KANK4: variants seen among roughly 807,000 people sequenced by gnomAD.
The protein encoded by KANK4 is KN motif and ankyrin repeat domains 4.
Under a neutral mutation model 80.8 loss-of-function variants are expected in KANK4, and 50 were observed. The ratio of observed to expected loss-of-function variants is 0.62; its 90% CI spans 0.49 to 0.78. The LOEUF (loss-of-function observed/expected upper bound fraction) is 0.78, where lower values mean the gene tolerates loss of function less well. Ranked by LOEUF, KANK4 falls within the 30% of genes least tolerant of loss-of-function variation. The probability of loss-of-function intolerance (pLI) is 0.00; values close to 1 mark genes in which losing one functional copy is unlikely to be tolerated. For synonymous variants in KANK4, 465 were observed against 506.9 expected (o/e 0.92, Z 1.11); for missense variants, 1,196 against 1,240.1 (o/e 0.96, Z 0.53).
At position 62,273,812 on chromosome 1, in the gene KANK4, C is replaced by T. The variant is rs750779788; in HGVS notation, c.1292G>A (p.Gly431Asp). The stretch of plus-strand genomic sequence containing the variant: ...GCTGCCTAGAAGGTTGACTTCAATG[C>T]CCTTATCACACGACTCCCTGGTCAA... ...GLLTRESCDK[G>D]IEVNLLGSME... is the part of the protein sequence containing the mutation. The change falls in exon 3 of 10, where the codon GGC becomes GAC. Residue 431 changes from glycine (G) to aspartate (D), a missense_variant. Gly to Asp is a moderately conservative substitution (Grantham distance 94). Transcript: ENST00000371153. The T allele has an allele frequency of 2.8e-5, 46 of 1,614,038 alleles. 1 individual carries two copies. In the South Asian group the frequency reaches 4.3e-4, roughly 15 times the overall value.
At chr1:62,254,710 C>T (rs1041997865) in intron 7 of KANK4, among the ~76,000 whole-genome samples, 23 of 148,942 alleles carry the variant, frequency 1.5e-4, no homozygotes, top group Non-Finnish European at 2.2e-4. Context: ...TGCATCACCA[C>T]GCTCAGCTGA....
chr1:62,309,119 G>A (rs767722534), intron 1 of KANK4, among the ~76,000 whole-genome samples: 5 of 152,234 alleles, frequency 3.3e-5, no homozygotes, highest in Admixed American at 6.5e-5. Context: ...CTGGAGGCTC[G>A]GAGAATGCCA....
At chr1:62,247,257 T>C (rs529462820) in intron 9 of KANK4, among the ~76,000 whole-genome samples, 3 of 152,054 alleles carry the variant, frequency 2.0e-5, no homozygotes, top group African/African-American at 7.2e-5. Context: ...ATTCCTTGAA[T>C]TCTGCTGGCC....
rs1671209025 is a variant in KANK4 at position 62,236,683 on chromosome 1, C to T, written c.*1594G>A. 6.6e-6 allele frequency among the ~76,000 whole-genome samples: 1 copy of T among 151,616 alleles called. No homozygotes were observed. The highest frequency in any genetic ancestry group is 2.1e-4 in the South Asian group (1 of 4,804). ...GATCTCGGCTCACTGAAACCTCCGC[C>T]TCCCGGGTTCAAGTGAGTCTCCTGC... On this transcript the variant is annotated 3_prime_UTR_variant, in exon 10 of 10. Transcript: ENST00000371153.
At chr1:62,268,888 G>A (rs143664955) in intron 4 of KANK4, among the ~76,000 whole-genome samples, 80 of 152,250 alleles carry the variant, frequency 5.3e-4, no homozygotes, top group Middle Eastern at 3.4e-3. Context: ...CGTTAGGTCC[G>A]GAGAGGGGCC....
In KANK4 at chr1:62,247,485, C is replaced by T; in HGVS notation, c.2870G>A (p.Ser957Asn). 6.2e-7 allele frequency: 1 copy of T among 1,613,886 alleles called. No individual in the cohort carries two copies. The highest frequency in any genetic ancestry group is 8.5e-7 in the Non-Finnish European group (1 of 1,180,022). The change falls in exon 9 of 10, where the codon AGC becomes AAC. Residue 957 changes from serine to asparagine, a missense_variant. Around this residue, in one of 3 missense-constraint regions of KANK4, gnomAD observed 1,154 missense variants for 1,179.6 expected, o/e 0.98. Transcript: ENST00000371153. ...LLLAHPACDSSLTDKAGRTAL... is the reference protein window; with the variant it reads ...LLLAHPACDSNLTDKAGRTAL... ...TGTAAGTCTCACCTTGTCAGTCAGG[C>T]TGCTGTCGCAGGCTGGGTGTGCCAG...
At chr1:62,278,695 G>A (rs1672380743) in intron 2 of KANK4, among the ~76,000 whole-genome samples, 1 of 151,858 alleles carries the variant, frequency 6.6e-6, no homozygotes, top group Non-Finnish European at 1.5e-5. Flanking sequence ...ACGCCCGGCT[G>A]ACCCACACAA....
At chr1:62,266,509 A>C (rs539941655) in intron 6 of KANK4, among the ~76,000 whole-genome samples, 1 of 148,442 alleles carries the variant, frequency 6.7e-6, no homozygotes, top group African/African-American at 2.5e-5. Context: ...CACACCACTC[A>C]CACCACTGCA....
At chr1:62,251,645 G>A (rs1671620793) in intron 8 of KANK4, among the ~76,000 whole-genome samples, 1 of 152,128 alleles carries the variant, frequency 6.6e-6, no homozygotes, top group Admixed American at 6.6e-5. Context: ...TGCCTTTGCT[G>A]TCTTAAGATC....
At chr1:62,284,832 A>G (rs1672527721) in intron 1 of KANK4, among the ~76,000 whole-genome samples, 1 of 152,014 alleles carries the variant, frequency 6.6e-6, no homozygotes, top group African/African-American at 2.4e-5. Context: ...TCCCCTACTA[A>G]TCTGTAAGCT....
chr1:62,299,668 T>C (rs918011117), intron 1 of KANK4, among the ~76,000 whole-genome samples: 1 of 152,156 alleles, frequency 6.6e-6, no homozygotes, highest in Non-Finnish European at 1.5e-5. Flanking sequence ...GTTTCCCAAG[T>C]GCTTAGTACA....
At chr1:62,247,391 C>T (rs1026673351) in intron 9 of KANK4, 81 bp downstream of exon 9, 43 of 1,277,040 alleles carry the variant, frequency 3.4e-5, no homozygotes, top group Non-Finnish European at 4.7e-5. Context: ...CCTCCCGCCT[C>T]AGCCTCCCAA....
chr1:62,273,105 A>T (rs1672203580), intron 3 of KANK4, 99 bp downstream of exon 3: 3 of 894,252 alleles, frequency 3.4e-6, no homozygotes, highest in Non-Finnish European at 4.8e-6. Context: ...AAATCTTTTT[A>T]AAAACATGTT....
At chr1:62,265,174 G>A (rs911870078) in intron 6 of KANK4, among the ~76,000 whole-genome samples, 3 of 151,988 alleles carry the variant, frequency 2.0e-5, no homozygotes, top group Admixed American at 6.6e-5. Flanking sequence ...ACCTTAGTTC[G>A]ATAATTCAAT....
chr1:62,279,198 G>A (rs10536686), intron 2 of KANK4, among the ~76,000 whole-genome samples: 3,194 of 146,246 alleles, frequency 0.022, 96 homozygotes, highest in African/African-American at 0.073. Flanking sequence ...GCTAGCGCGC[G>A]CACACACACA....
chr1:62,269,828 G>A (rs1289996896), intron 4 of KANK4, among the ~76,000 whole-genome samples: 1 of 152,150 alleles, frequency 6.6e-6, no homozygotes, highest in Non-Finnish European at 1.5e-5. Context: ...AAGAGGAGTG[G>A]CTACTTTAAT....
At position 62,310,473 on chromosome 1, in the gene KANK4, TG is replaced by T. The variant is rs548002802; in HGVS notation, c.-71+8632del. On this transcript the variant is annotated intron_variant, in intron 1 of 9. Transcript: ENST00000371153. ...GGTGACGGAGACCAGAAAAGGGGTT[TG>T]GGGGGCTGGGGTGCCAAGAATGGGC... is the stretch of plus-strand genomic sequence containing the variant. Among the ~76,000 whole-genome samples the T allele has an allele frequency of 1.6e-4, 24 of 150,968 alleles. No individual in the cohort carries two copies. In the East Asian group the frequency reaches 4.1e-3, roughly 26 times the overall value.
intron 1 of KANK4, among the ~76,000 whole-genome samples, chr1:62,284,068 A>T (rs145102816): frequency 2.6e-5 from 4 of 152,188 alleles, no homozygotes; most frequent in Non-Finnish European, 5.9e-5. Context: ...TACAGGAAGG[A>T]AGGAAGGAGG....
chr1:62,238,784 C>T (rs1275423443), intron 9 of KANK4, among the ~76,000 whole-genome samples: 2 of 152,056 alleles, frequency 1.3e-5, no homozygotes, highest in Non-Finnish European at 2.9e-5. Flanking sequence ...TACACACCAT[C>T]ATGCCTGGAA....
Sources: gnomAD v4.1 joint callset for allele counts (sites outside exome capture counted in the v4.1 genomes callset) on GRCh38, gnomAD v4.1.1 for gene constraint, gnomAD v4.1.1 regional missense constraint, MANE v1.5 for transcripts, NCBI Gene and HGNC (gene_info 2026-07-23, HGNC 2026-07-21) for gene names.